Variants in UPF3B observed in about 807,000 individuals in gnomAD.
UPF3B encodes regulator of nonsense transcripts 3B.
A neutral mutation model predicts 40.3 loss-of-function variants in UPF3B; 7 were observed. The observed-to-expected ratio is 0.17, with a 90% CI of 0.10 to 0.33. UPF3B has a LOEUF of 0.33. Ranked by LOEUF, UPF3B falls within the 10% of genes least tolerant of loss-of-function variation. The pLI is 1.00. For synonymous variants in UPF3B, 117 were observed against 117.3 expected (o/e 1.00, Z 0.01); for missense variants, 229 against 358.9 (o/e 0.64, Z 2.93).
At position 119,837,867 on chromosome X, in the gene UPF3B, C is replaced by T. The variant is rs1372804111; in HGVS notation, c.1192G>A (p.Asp398Asn). The T allele has an allele frequency of 8.3e-7, 1 of 1,210,944 alleles. No individual in the cohort carries two copies. Among genetic ancestry groups the T allele is most frequent in the Non-Finnish European group, 1.1e-6 (1 of 895,386 alleles). Residue 398 changes from aspartate (D) to asparagine (N), a missense_variant, in exon 10 of 11, where the codon GAC becomes AAC. Asp to Asn is a conservative substitution (Grantham distance 23, BLOSUM62 1). Around this residue, in one of 3 missense-constraint regions of UPF3B, gnomAD observed 119 missense variants for 153.8 expected, o/e 0.77. Transcript: ENST00000276201. ...TTCTTTCCTTTATCCCGAAGTGTGT[C>T]TTTCTCTTTTTTCATTTCTTCTTCT... ...RKEEEMKKEK[D>N]TLRDKGKKAE...
chrX:119,842,580 T>TCACACACACACACA (rs773370806), intron 5 of UPF3B, among the ~76,000 whole-genome samples: 14 of 71,441 alleles, frequency 2.0e-4, no homozygotes, highest in African/African-American at 6.1e-4. Context: ...ACTCCATCTC[T>TCACACACACACACA]CACACACACA....
chrX:119,807,425 T>C, intron 6 of UPF3B: 1 of 891,836 alleles, frequency 1.1e-6, no homozygotes, highest in Admixed American at 3.1e-5. Flanking sequence ...TAAGGCCATC[T>C]GGACTTAACA....
intron 10 of UPF3B, among the ~76,000 whole-genome samples, chrX:119,836,884 T>A (rs1262561279): frequency 9.3e-6 from 1 of 107,498 alleles, no homozygotes; most frequent in East Asian, 3.0e-4. Flanking sequence ...TCTCCTGACC[T>A]CGTGATCCAC....
intron 3 of UPF3B, among the ~76,000 whole-genome samples, chrX:119,848,943 C>A (rs1055025068): frequency 9.0e-6 from 1 of 111,534 alleles, no homozygotes; most frequent in Non-Finnish European, 1.9e-5. Flanking sequence ...GAATTGTACG[C>A]TTTAAGAGGA....
In UPF3B at chrX:119,834,192, G is replaced by A. The variant is rs1282150508; in HGVS notation, c.*686C>T. The A allele has an allele frequency of 1.3e-6, 1 of 753,321 alleles. No homozygotes were observed. Among genetic ancestry groups the A allele is most frequent in the Non-Finnish European group, 1.6e-6 (1 of 639,433 alleles). 62.1% of individuals were successfully genotyped at this position (753,321 alleles called of 1,213,427 possible). A position where few individuals can be genotyped will look rare whatever the true frequency, so the allele number is the denominator to read the frequency against. On this transcript the variant is annotated 3_prime_UTR_variant, in exon 11 of 11. Transcript: ENST00000276201. Reference sequence around the variant, plus strand: ...CACTGGATTGTCAAGAGTCAAACAAGGACTACATTTTACCTCTTAATAGAA... The same window carrying A: ...CACTGGATTGTCAAGAGTCAAACAAAGACTACATTTTACCTCTTAATAGAA...
chrX:119,823,556 C>CTTTTTTTTTTTTTTTTTTTTTTTTTT (rs1569459617), intron 3 of UPF3B, among the ~76,000 whole-genome samples: 2 of 42,090 alleles, frequency 4.8e-5, no homozygotes, highest in Non-Finnish European at 3.3e-5. Flanking sequence ...TCTTTTTTTC[C>CTTTTTTTTTTTTTTTTTTTTTTTTTT]TCTTTTTTTT....
downstream of UPF3B, among the ~76,000 whole-genome samples, chrX:119,830,077 C>T (rs1052208391): frequency 9.0e-6 from 1 of 111,664 alleles, no homozygotes; most frequent in Non-Finnish European, 1.9e-5. Flanking sequence ...TCTTGGGCTA[C>T]TTGTTTCTAA....
At chrX:119,852,670 G>A in intron 1 of UPF3B, 103 bp downstream of exon 1, 1 of 1,135,228 alleles carries the variant, frequency 8.8e-7, no homozygotes, top group Non-Finnish European at 1.2e-6. Context: ...CGAAGAGATA[G>A]AAGGAGAACC....
chrX:119,820,836 G>C (rs1340195702), intron 4 of UPF3B, among the ~76,000 whole-genome samples: 1 of 111,401 alleles, frequency 9.0e-6, no homozygotes, highest in Non-Finnish European at 1.9e-5. Context: ...AGCACTTTTC[G>C]AGGCTACAGT....
At chrX:119,833,159 T>C (rs761122338), downstream of UPF3B, among the ~76,000 whole-genome samples, 29 of 111,475 alleles carry the variant, frequency 2.6e-4, no homozygotes, top group Non-Finnish European at 7.5e-5. Context: ...TACCATAGTG[T>C]CAGTGCCAAC....
Position 119,834,820 on chromosome X carries a change from T to C in UPF3B, c.*58A>G. The C allele has an allele frequency of 8.3e-7, 1 of 1,210,315 alleles. No individual in the cohort carries two copies. Among genetic ancestry groups the C allele is most frequent in the Non-Finnish European group, 1.1e-6 (1 of 895,447 alleles). On this transcript the variant is annotated 3_prime_UTR_variant, in exon 11 of 11. Coordinates refer to ENST00000276201, the MANE Select transcript of UPF3B (RefSeq NM_080632.3). ...TGCCCTGAAGGCACCTCTGGATTGC[T>C]TAACGTGTGCTCTTTGGCTGCCTAG...
Position 119,834,444 on chromosome X carries a change from A to G in UPF3B, c.*434T>C. 1 of 826,887 alleles carries G rather than the reference A, an allele frequency of 1.2e-6. No individual in the cohort carries two copies. The highest frequency in any genetic ancestry group is 1.5e-6 in the Non-Finnish European group (1 of 685,701). 68.1% of individuals were successfully genotyped at this position (826,887 alleles called of 1,213,427 possible). On this transcript the variant is annotated 3_prime_UTR_variant, in exon 11 of 11. Coordinates refer to ENST00000276201, the MANE Select transcript of UPF3B (RefSeq NM_080632.3). ...CTACCCAATGTCAACACTTATCATC[A>G]ACAATACAATAGAATTAGATCGGAA...
Position 119,815,256 on chromosome X carries a change from G to C in UPF3B, c.547C>G (p.Leu183Val), listed in dbSNP as rs1051786592. The change falls in exon 5 of 7, where the codon CTC (leucine) becomes GTC (valine). Residue 183 changes from leucine to valine, a missense_variant. By Grantham distance (32) the Leu-to-Val change is conservative. Transcript: ENST00000636792. ...TTGGTTATGTCATCAGGGTGCGAGA[G>C]TCGACCTTGGCTTCGAGCTCCTGGA... is the stretch of plus-strand genomic sequence containing the variant. The C allele has an allele frequency of 2.4e-5, 19 of 795,765 alleles. No individual in the cohort carries two copies. In the South Asian group the frequency reaches 3.8e-4, roughly 16 times the overall value. 65.6% of individuals were successfully genotyped at this position (795,765 alleles called of 1,213,427 possible). A position where few individuals can be genotyped will look rare whatever the true frequency, so the allele number is the denominator to read the frequency against.
At chrX:119,814,099 CACTTA>C (rs2055844530) in intron 5 of UPF3B, among the ~76,000 whole-genome samples, 2 of 111,901 alleles carry the variant, frequency 1.8e-5, no homozygotes. Flanking sequence ...TTACTCACTA[CACTTA>C]ACTTCATACT....
At chrX:119,838,643 G>T (rs1271392667) in intron 8 of UPF3B, 116 bp from the exon 9 acceptor site, 9 of 720,624 alleles carry the variant, frequency 1.2e-5, no homozygotes, top group Non-Finnish European at 1.9e-5. Flanking sequence ...ATCTCTGCAG[G>T]TACACTTAAT....
chrX:119,823,001 G>A lies in UPF3B; in HGVS notation c.436C>T (p.Arg146Ter). The A allele has an allele frequency of 1.1e-6, 1 of 883,025 alleles. No individual in the cohort carries two copies. The highest frequency in any genetic ancestry group is 8.5e-5 in the East Asian group (1 of 11,744). The allele number at this position is 883,025 out of a possible 1,213,427, so 72.8% of individuals were successfully genotyped here. The change falls in exon 4 of 7, where the codon CGA becomes TGA. Residue 146 changes from arginine (R) to a stop codon, truncating the protein, a stop_gained. Transcript: ENST00000636792. LOFTEE classifies it high-confidence loss of function. ...TCATCAGGGTGCCAGAGTCGACCTC[G>A]GCCTCGAGCTCCTCGATGGTAACAC...
chrX:119,819,297 C>T (rs1156865346), intron 4 of UPF3B, among the ~76,000 whole-genome samples: 3 of 110,589 alleles, frequency 2.7e-5, no homozygotes, highest in Non-Finnish European at 5.7e-5. Flanking sequence ...CGTGATCCTC[C>T]CATCTCGGCC....
At chrX:119,837,244 C>T (rs2056106949) in intron 10 of UPF3B, among the ~76,000 whole-genome samples, 1 of 109,415 alleles carries the variant, frequency 9.1e-6, no homozygotes, top group Non-Finnish European at 1.9e-5. Context: ...TGCACCTGGC[C>T]CATCATACTA....
chrX:119,845,403 T>A, intron 3 of UPF3B, 107 bp from the exon 4 acceptor site: 1 of 634,413 alleles, frequency 1.6e-6, no homozygotes, highest in Non-Finnish European at 2.5e-6. Context: ...GGCAGTCATC[T>A]GAAGAGGGTC....
Sources: gnomAD v4.1 joint callset for allele counts (sites outside exome capture counted in the v4.1 genomes callset) on GRCh38, gnomAD v4.1.1 for gene constraint, gnomAD v4.1.1 regional missense constraint, MANE v1.5 for transcripts, NCBI Gene and HGNC (gene_info 2026-07-23, HGNC 2026-07-21) for gene names.